ZNF616: variants seen among roughly 807,000 people sequenced by gnomAD.
The protein encoded by ZNF616 is zinc finger protein 616.
ZNF616 carries 5 observed loss-of-function variants against 7.6 expected under a neutral mutation model. The ratio of observed to expected loss-of-function variants is 0.66; its 90% CI spans 0.34 to 1.38. The LOEUF is 1.38. Among genes scored for constraint, ZNF616 ranks in the 40% most tolerant of loss-of-function variants. The pLI, the probability that ZNF616 is intolerant of heterozygous loss-of-function variation, is 0.04. For synonymous variants in ZNF616, 319 were observed against 317.2 expected (o/e 1.01, Z -0.06); for missense variants, 913 against 948.3 (o/e 0.96, Z 0.49).
chr19:52,126,476 C>T lies in ZNF616; in HGVS notation c.13-2427G>A, dbSNP rs544373140. 3.3e-5 allele frequency among the ~76,000 whole-genome samples: 5 copies of T among 152,228 alleles called. No individual in the cohort carries two copies. The South Asian group carries it at 1.0e-3, about 32-fold the overall frequency. ...GTTGCAGTGAGCTGAGATCCCACCC[C>T]TGCACTCCAGCCTCGGCAATAGAGT... is the stretch of plus-strand genomic sequence containing the variant. On this transcript the variant is annotated intron_variant, in intron 2 of 3. Coordinates refer to ENST00000600228, the MANE Select transcript of ZNF616 (RefSeq NM_178523.5).
At position 52,115,541 on chromosome 19, in the gene ZNF616, T is replaced by G; in HGVS notation, c.1623A>C (p.Arg541Ser). 1.9e-6 allele frequency: 3 copies of G among 1,614,010 alleles called. No homozygotes were observed. The South Asian group carries it at 3.3e-5, about 18-fold the overall frequency. Reference protein sequence around the residue: ...SDRSAFARHRRIHTGEKPYKC... With the variant: ...SDRSAFARHRSIHTGEKPYKC... ...TGTAAGGCTTCTCTCCAGTATGAAT[T>G]CTCCGATGCCTTGCAAAAGCTGAAC... is the stretch of plus-strand genomic sequence containing the variant. Residue 541 changes from arginine (R) to serine (S), a missense_variant, in exon 4 of 4, where the codon AGA becomes AGC. Coordinates refer to ENST00000600228, the MANE Select transcript of ZNF616 (RefSeq NM_178523.5).
chr19:52,134,800 C>T (rs1278685424), intron 1 of ZNF616, among the ~76,000 whole-genome samples: 2 of 152,196 alleles, frequency 1.3e-5, no homozygotes, highest in Admixed American at 1.3e-4. Flanking sequence ...TACCCATCCT[C>T]TCCCCAAACT....
chr19:52,136,021 T>C (rs941451688), intron 1 of ZNF616, among the ~76,000 whole-genome samples: 3 of 151,102 alleles, frequency 2.0e-5, no homozygotes, highest in African/African-American at 4.9e-5. Flanking sequence ...TCTCAGCTAC[T>C]TGTGAGGCTG....
At chr19:52,123,230 C>A (rs1041762651) in intron 3 of ZNF616, among the ~76,000 whole-genome samples, 1 of 152,068 alleles carries the variant, frequency 6.6e-6, no homozygotes, top group African/African-American at 2.4e-5. Flanking sequence ...CATGAAAATG[C>A]ACCAGATTAA....
At chr19:52,120,160 A>G (rs2088855047) in intron 3 of ZNF616, among the ~76,000 whole-genome samples, 1 of 152,220 alleles carries the variant, frequency 6.6e-6, no homozygotes, top group South Asian at 2.1e-4. Flanking sequence ...CACAGTATAT[A>G]TGGAAGTAAT....
In ZNF616 at chr19:52,120,240, A is replaced by T. The variant is rs138823091; in HGVS notation, c.140-3216T>A. Reference sequence around the variant, plus strand: ...TCATTTTTCTATGTGACTGAAGTCAAACTGTTACCAGTTTAAAACAGGATG... The same window carrying T: ...TCATTTTTCTATGTGACTGAAGTCATACTGTTACCAGTTTAAAACAGGATG... On this transcript the variant is annotated intron_variant, in intron 3 of 3. Transcript: ENST00000600228. 9.0e-3 allele frequency among the ~76,000 whole-genome samples: 1,377 copies of T among 152,354 alleles called. 22 individuals are homozygous for T. The highest frequency in any genetic ancestry group is 0.043 in the Admixed American group (654 of 15,300).
chr19:52,126,170 C>T (rs1411524323), intron 2 of ZNF616, among the ~76,000 whole-genome samples: 1 of 152,090 alleles, frequency 6.6e-6, no homozygotes, highest in African/African-American at 2.4e-5. Flanking sequence ...AAAAAGAAAC[C>T]AACTGAATCT....
At chr19:52,133,312 G>C (rs1031168423) in intron 1 of ZNF616, among the ~76,000 whole-genome samples, 2 of 152,060 alleles carry the variant, frequency 1.3e-5, no homozygotes, top group African/African-American at 4.8e-5. Flanking sequence ...GCATTTAATG[G>C]GCAATACCAC....
intron 1 of ZNF616, among the ~76,000 whole-genome samples, chr19:52,131,868 A>C (rs1256888864): frequency 2.6e-5 from 4 of 152,146 alleles, no homozygotes; most frequent in African/African-American, 9.7e-5. Flanking sequence ...ATCTTGCCAG[A>C]TTACCTGCAA....
At position 52,116,431 on chromosome 19, in the gene ZNF616, C is replaced by T. The variant is rs1011344634; in HGVS notation, c.733G>A (p.Val245Ile). The T allele has an allele frequency of 3.1e-6, 5 of 1,613,940 alleles. No homozygotes were observed. The highest frequency in any genetic ancestry group is 1.7e-5 in the Admixed American group (1 of 60,000). Reference sequence around the variant, plus strand: ...TTTTTTCTGAAGATCTTGCCACATACATCACATTGATATGATTTCCCTCTT... The same window carrying T: ...TTTTTTCTGAAGATCTTGCCACATATATCACATTGATATGATTTCCCTCTT... ...HTRGKSYQCD[V>I]CGKIFRKNSY... The change falls in exon 4 of 4, where the codon GTA (valine) becomes ATA (isoleucine). Residue 245 changes from valine (V) to isoleucine (I), a missense_variant. Physicochemically the swap from Val to Ile is conservative, Grantham distance 29. Coordinates refer to ENST00000600228, the MANE Select transcript of ZNF616 (RefSeq NM_178523.5).
At position 52,114,883 on chromosome 19, in the gene ZNF616, T is replaced by A. The variant is rs768293797; in HGVS notation, c.2281A>T (p.Thr761Ser). 6 of 1,612,970 alleles carry A rather than the reference T, an allele frequency of 3.7e-6. No homozygotes were observed. In the South Asian group the frequency reaches 5.5e-5, roughly 15 times the overall value. ...CCAGTATGTCTTATTCGATGTTTAG[T>A]GAGGCCTGAGCGACAAATAAAAGAT... ...GKSFICRSGL[T>S]KHRIRHTGES... is the part of the protein sequence containing the mutation. The change falls in exon 4 of 4, where the codon ACT (threonine) becomes TCT (serine). Residue 761 changes from threonine to serine, a missense_variant. By Grantham distance (58) the Thr-to-Ser change is moderately conservative (BLOSUM62 1). Transcript: ENST00000600228.
Position 52,115,174 on chromosome 19 carries a change from T to C in ZNF616, c.1990A>G (p.Asn664Asp). The C allele has an allele frequency of 1.2e-6, 2 of 1,614,176 alleles. No homozygotes were observed. Among genetic ancestry groups the C allele is most frequent in the Non-Finnish European group, 1.7e-6 (2 of 1,180,030 alleles). Residue 664 changes from asparagine (N) to aspartate (D), a missense_variant, in exon 4 of 4, where the codon AAT (asparagine) becomes GAT (aspartate). Transcript: ENST00000600228. ...VHTGDRPYKC[N>D]ECGKTFKRSS... ...CGTTTAAAGGTTTTGCCACACTCATTACATTTGTAAGGTCTGTCTCCAGTA... is the reference window on the plus strand; with the variant it reads ...CGTTTAAAGGTTTTGCCACACTCATCACATTTGTAAGGTCTGTCTCCAGTA...
At chr19:52,133,508 T>A (rs1281959419) in intron 1 of ZNF616, among the ~76,000 whole-genome samples, 1 of 152,164 alleles carries the variant, frequency 6.6e-6, no homozygotes, top group African/African-American at 2.4e-5. Context: ...ATACATTATT[T>A]CATCACCTGG....
rs886571737 is a variant in ZNF616 at position 52,133,370 on chromosome 19, G to A, written c.-76-2782C>T. The stretch of plus-strand genomic sequence containing the variant: ...TAATTCCCTAGAGGTAAAAATAGAC[G>A]TTGCAGTTGTTACACTTTATAATAG... On this transcript the variant is annotated intron_variant, in intron 1 of 3. Coordinates refer to ENST00000600228, the MANE Select transcript of ZNF616 (RefSeq NM_178523.5). Among the ~76,000 whole-genome samples, 4 of 152,154 alleles carry A rather than the reference G, an allele frequency of 2.6e-5. No individual in the cohort carries two copies. In the South Asian group the frequency reaches 6.2e-4, roughly 24 times the overall value.
chr19:52,130,832 G>A (rs1171700317), intron 1 of ZNF616, among the ~76,000 whole-genome samples: 1 of 152,256 alleles, frequency 6.6e-6, no homozygotes, highest in Non-Finnish European at 1.5e-5. Context: ...GCTGGACTGA[G>A]CTCCCATTCA....
At chr19:52,119,608 AG>A (rs1238200410) in intron 3 of ZNF616, among the ~76,000 whole-genome samples, 1 of 152,170 alleles carries the variant, frequency 6.6e-6, no homozygotes, top group Non-Finnish European at 1.5e-5. Context: ...ATGGGGCAGC[AG>A]GGTTTGTGCT....
At chr19:52,136,638 G>C (rs937511615) in intron 1 of ZNF616, among the ~76,000 whole-genome samples, 1 of 152,120 alleles carries the variant, frequency 6.6e-6, no homozygotes, top group Admixed American at 6.6e-5. Flanking sequence ...CTGCTGCTGG[G>C]AGTGCACATC....
chr19:52,115,909 T>C lies in ZNF616; in HGVS notation c.1255A>G (p.Ser419Gly), dbSNP rs1320798262. The C allele has an allele frequency of 6.2e-7, 1 of 1,614,258 alleles. No individual in the cohort carries two copies. Among genetic ancestry groups the C allele is most frequent in the East Asian group, 2.2e-5 (1 of 44,888 alleles). Residue 419 changes from serine (S) to glycine (G), a missense_variant, in exon 4 of 4, where the codon AGT becomes GGT. By Grantham distance (56) the Ser-to-Gly change is moderately conservative. Transcript: ENST00000600228. ...CKCNECGKVF[S>G]KRSSLAVHQR... ...TGCACTGCAAGACTTGAACGTTTAC[T>C]GAAGACCTTGCCACATTCATTGCAT...
intron 2 of ZNF616, among the ~76,000 whole-genome samples, 180 bp from the exon 3 acceptor site, chr19:52,124,229 T>C (rs2088887375): frequency 6.6e-6 from 1 of 152,270 alleles, no homozygotes; most frequent in Non-Finnish European, 1.5e-5. Context: ...GAGACTATTA[T>C]ATTCTCTACA....
Sources: allele counts gnomAD v4.1 joint callset (sites outside exome capture counted in the v4.1 genomes callset), GRCh38; gene constraint gnomAD v4.1.1; transcripts MANE v1.5; gene names NCBI Gene and HGNC (gene_info 2026-07-23, HGNC 2026-07-21).